The following CYB5R4 variants were observed in gnomAD, a reference collection of about 807,000 sequenced individuals.
CYB5R4 encodes the protein N-terminal cytochrome b5 and cytochrome b5 oxidoreductase domain-containing protein.
CYB5R4 carries 55 observed loss-of-function variants against 70.2 expected under a neutral mutation model. That is an observed-to-expected ratio of 0.78 (90% CI 0.63 to 0.98). The LOEUF (loss-of-function observed/expected upper bound fraction) is 0.98. CYB5R4 is among the 50% of genes least tolerant of loss of function. CYB5R4 has a pLI of 0.00. For missense variants in CYB5R4, 562 were observed against 612.6 expected, an observed-to-expected ratio of 0.92 and a Z score of 0.87; for synonymous variants, 197 against 199.5, an observed-to-expected ratio of 0.99 and a Z score of 0.11.
At chr6:83,951,870 C>T (rs9362025) in intron 14 of CYB5R4, among the ~76,000 whole-genome samples, 23,065 of 152,114 alleles carry the variant, frequency 0.15, 3,342 homozygotes, top group African/African-American at 0.36. Flanking sequence ...CTGTTTTCTA[C>T]GATGGTTGAA....
intron 2 of CYB5R4, among the ~76,000 whole-genome samples, chr6:83,887,035 T>A (rs920786381): frequency 2.6e-5 from 4 of 152,124 alleles, no homozygotes; most frequent in African/African-American, 9.7e-5. Flanking sequence ...TCAGAGGCAA[T>A]TGGGGTTAAA....
At position 83,859,907 on chromosome 6, in the gene CYB5R4, G is replaced by A. The variant is rs560750441; in HGVS notation, c.75+50G>A. The A allele has an allele frequency of 6.8e-4, 1,042 of 1,534,796 alleles. 22 individuals are homozygous for A. In the South Asian group the frequency reaches 0.011, roughly 16 times the overall value. ...CTCCCCTCGCTGCGTTTCGAGCTCT[G>A]GCAGTGTGTTCTCTTCTTCCGCCCC... On this transcript the variant is annotated intron_variant, in intron 1 of 15. Coordinates refer to ENST00000369681, the MANE Select transcript of CYB5R4 (RefSeq NM_016230.4).
chr6:83,939,063 C>T (rs569833695), intron 12 of CYB5R4, among the ~76,000 whole-genome samples: 123 of 151,928 alleles, frequency 8.1e-4, no homozygotes, highest in Non-Finnish European at 8.4e-4. Flanking sequence ...CTTGAACTCC[C>T]GACCTCAGGT....
intron 6 of CYB5R4, 132 bp downstream of exon 6, chr6:83,918,197 A>G: frequency 3.6e-6 from 2 of 561,668 alleles, no homozygotes; most frequent in Non-Finnish European, 6.4e-6. Context: ...CAAGAACTGT[A>G]ATGCCTCATT....
chr6:83,882,754 G>A (rs373056253), intron 2 of CYB5R4, among the ~76,000 whole-genome samples: 1 of 152,276 alleles, frequency 6.6e-6, no homozygotes, highest in East Asian at 1.9e-4. Flanking sequence ...ATGGGAGCCC[G>A]AGGTGGGTGG....
chr6:83,866,962 A>G (rs1256582905), intron 2 of CYB5R4, among the ~76,000 whole-genome samples: 2 of 152,082 alleles, frequency 1.3e-5, no homozygotes, highest in Non-Finnish European at 2.9e-5. Context: ...GTTCTACTCT[A>G]TCTATAGTAA....
At chr6:83,910,344 A>C in intron 4 of CYB5R4, 1 of 561,510 alleles carries the variant, frequency 1.8e-6, no homozygotes, top group Non-Finnish European at 3.2e-6. Context: ...GAGAAGTAAG[A>C]CGGTTACTGG....
At chr6:83,900,795 C>A (rs1488394111) in intron 3 of CYB5R4, among the ~76,000 whole-genome samples, 1 of 152,086 alleles carries the variant, frequency 6.6e-6, no homozygotes, top group African/African-American at 2.4e-5. Flanking sequence ...GCAACCCCTG[C>A]CTTTTTTTGT....
In CYB5R4 at chr6:83,959,953, T is replaced by C. The variant is rs547843859; in HGVS notation, c.*75T>C. Reference sequence around the variant, plus strand: ...TTGCTTAGGGTTTTTTAAGAGAACATTTTTGTACATAACAAAAGGTTAACT... The same window carrying C: ...TTGCTTAGGGTTTTTTAAGAGAACACTTTTGTACATAACAAAAGGTTAACT... On this transcript the variant is annotated 3_prime_UTR_variant, in exon 16 of 16. Coordinates refer to ENST00000369681, the MANE Select transcript of CYB5R4 (RefSeq NM_016230.4). The C allele has an allele frequency of 2.2e-5, 25 of 1,146,258 alleles. No homozygotes were observed. In the African/African-American group the frequency reaches 3.8e-4, roughly 17 times the overall value. 71.0% of individuals were successfully genotyped at this position (1,146,258 alleles called of 1,614,324 possible).
chr6:83,924,406 G>T lies in CYB5R4; in HGVS notation c.692-64G>T, dbSNP rs1294499539. 2.6e-6 allele frequency: 4 copies of T among 1,525,226 alleles called. No homozygotes were observed. In the South Asian group the frequency reaches 4.7e-5, roughly 18 times the overall value. 94.5% of individuals were successfully genotyped at this position (1,525,226 alleles called of 1,614,324 possible). On this transcript the variant is annotated intron_variant, in intron 9 of 15. Transcript: ENST00000369681. ...ACACTTGTACTATTTGAGAAATACT[G>T]GTTTTAAAATAAAATCTTGTATTTA...
rs752721075 is a variant in CYB5R4, at chr6:83,893,658, G to A, written c.330+36G>A. On this transcript the variant is annotated intron_variant, in intron 3 of 15. Transcript: ENST00000369681. Reference sequence around the variant, plus strand: ...CTGAAAGTAACCAAAGTATTCCGGTGGAAGAGTACTCAGATTTATCAGTGT... The same window carrying A: ...CTGAAAGTAACCAAAGTATTCCGGTAGAAGAGTACTCAGATTTATCAGTGT... The A allele has an allele frequency of 4.9e-5, 59 of 1,192,448 alleles. 1 individual carries two copies. The South Asian group carries it at 6.7e-4, about 14-fold the overall frequency. 73.9% of individuals were successfully genotyped at this position (1,192,448 alleles called of 1,614,324 possible).
At chr6:83,902,605 T>A (rs1223282026) in intron 3 of CYB5R4, among the ~76,000 whole-genome samples, 1 of 152,170 alleles carries the variant, frequency 6.6e-6, no homozygotes, top group Non-Finnish European at 1.5e-5. Flanking sequence ...GCATATTGCT[T>A]TGGGCTGTAT....
intron 2 of CYB5R4, among the ~76,000 whole-genome samples, chr6:83,870,701 G>A (rs2099457451): frequency 6.6e-6 from 1 of 151,748 alleles, no homozygotes; most frequent in South Asian, 2.1e-4. Flanking sequence ...TACTTTCTTG[G>A]CAGATTTTTG....
Position 83,955,332 on chromosome 6 carries a change from T to G in CYB5R4, c.1381T>G (p.Ser461Ala). ...DVEFVLSAPISEWNGKQGHIS... is the reference protein window; with the variant it reads ...DVEFVLSAPIAEWNGKQGHIS... ...TGAATTTGTTCTCTCAGCACCTATT[T>G]CTGAATGGAATGGCAAACAGGGACA... The change falls in exon 15 of 16, where the codon TCT becomes GCT. Residue 461 changes from serine (S) to alanine (A), a missense_variant. Ser to Ala is a moderately conservative substitution (Grantham distance 99). Coordinates refer to ENST00000369681, the MANE Select transcript of CYB5R4 (RefSeq NM_016230.4). 1 of 1,613,930 alleles carries G rather than the reference T, an allele frequency of 6.2e-7. No homozygotes were observed. The highest frequency in any genetic ancestry group is 1.1e-5 in the South Asian group (1 of 91,078).
chr6:83,921,081 G>T lies in CYB5R4; in HGVS notation c.565-1G>T. 6.7e-7 allele frequency: 1 copy of T among 1,489,886 alleles called. No individual in the cohort carries two copies. Among genetic ancestry groups the T allele is most frequent in the Non-Finnish European group, 9.0e-7 (1 of 1,107,330 alleles). 92.3% of individuals were successfully genotyped at this position (1,489,886 alleles called of 1,614,324 possible). On this transcript the variant is annotated splice_acceptor_variant, in intron 7 of 15. Transcript: ENST00000369681. LOFTEE classifies it high-confidence loss of function. ...CTTTCTATTTTTGCTTTCTCTTTAA[G>T]GATATCAATTTAGACTCAATAATAG...
intron 2 of CYB5R4, among the ~76,000 whole-genome samples, chr6:83,878,353 A>T (rs1000752712): frequency 2.1e-3 from 312 of 148,084 alleles, no homozygotes; most frequent in African/African-American, 7.1e-3. Context: ...TGTTTTGTAA[A>T]TTTTTTTTTT....
chr6:83,877,295 G>A (rs943856055), intron 2 of CYB5R4, among the ~76,000 whole-genome samples: 1 of 151,996 alleles, frequency 6.6e-6, no homozygotes, highest in Non-Finnish European at 1.5e-5. Context: ...TCACCCTATC[G>A]TCTAGTTTGC....
At chr6:83,918,113 A>G in intron 6 of CYB5R4, 48 bp downstream of exon 6, 2 of 1,363,014 alleles carry the variant, frequency 1.5e-6, no homozygotes, top group Middle Eastern at 2.0e-4. Context: ...ATTATGTACA[A>G]AAATGTACAC....
chr6:83,938,510 G>A (rs985546375), intron 12 of CYB5R4, among the ~76,000 whole-genome samples: 6 of 152,066 alleles, frequency 3.9e-5, no homozygotes, highest in African/African-American at 1.4e-4. Context: ...GATTAATTTG[G>A]CTTTCCATGT....
Sources: allele counts gnomAD v4.1 joint callset (sites outside exome capture counted in the v4.1 genomes callset), GRCh38; gene constraint gnomAD v4.1.1; transcripts MANE v1.5; gene names NCBI Gene and HGNC (gene_info 2026-07-23, HGNC 2026-07-21).